The following CHRNB3 variants were observed in gnomAD, a reference collection of about 807,000 sequenced individuals.
The protein encoded by CHRNB3 is cholinergic receptor nicotinic beta 3 subunit.
A neutral mutation model predicts 40.6 loss-of-function variants in CHRNB3; 37 were observed. The observed-to-expected ratio is 0.91, with a 90% CI of 0.70 to 1.20. The LOEUF (loss-of-function observed/expected upper bound fraction) is 1.20. Ranked by LOEUF, CHRNB3 falls within the 50% of genes most tolerant of loss-of-function variation. The probability of loss-of-function intolerance (pLI) is 0.00; values close to 1 mark genes in which losing one functional copy is unlikely to be tolerated. For synonymous variants in CHRNB3, 207 were observed against 207.1 expected (o/e 1.00, Z 0.00); for missense variants, 505 against 551.2 (o/e 0.92, Z 0.84).
chr8:42,705,492 C>G (rs1241039816), intron 1 of CHRNB3: 1 of 152,286 alleles, frequency 6.6e-6, no homozygotes, highest in Non-Finnish European at 1.5e-5. Context: ...GGTTGGCACC[C>G]TCTTGTCTCT....
intron 3 of CHRNB3, among the ~76,000 whole-genome samples, chr8:42,717,403 A>AGCAGAC (rs543019760): frequency 5.9e-5 from 3 of 50,908 alleles, no homozygotes; most frequent in African/African-American, 2.0e-4. Flanking sequence ...AAAAAAAAAA[A>AGCAGAC]AAGCCGACCT....
chr8:42,713,241 T>A (rs1816049052), intron 3 of CHRNB3, among the ~76,000 whole-genome samples: 1 of 151,680 alleles, frequency 6.6e-6, no homozygotes, highest in Non-Finnish European at 1.5e-5. Flanking sequence ...CTTTTGAAAA[T>A]TAGGAGTCGT....
At chr8:42,707,853 C>T (rs1815943882) in intron 1 of CHRNB3, among the ~76,000 whole-genome samples, 1 of 152,224 alleles carries the variant, frequency 6.6e-6, no homozygotes, top group Non-Finnish European at 1.5e-5. Flanking sequence ...TCTACTAACA[C>T]ACATAAAATG....
rs1816394498 is a variant in CHRNB3, at chr8:42,730,690, G to C, written c.346G>C (p.Val116Leu). Residue 116 changes from valine (V) to leucine (L), a missense_variant, in exon 4 of 6, where the codon GTT becomes CTT. Transcript: ENST00000289957. Reference sequence around the variant, plus strand: ...AGAATCTCTGTGGCTTCCTGACATAGTTCTCTTTGAAAAGTAAGTATCACA... The same window carrying C: ...AGAATCTCTGTGGCTTCCTGACATACTTCTCTTTGAAAAGTAAGTATCACA... Reference protein sequence around the residue: ...PSESLWLPDIVLFENADGRFE... With the variant: ...PSESLWLPDILLFENADGRFE... 6.3e-7 allele frequency: 1 copy of C among 1,591,358 alleles called. No individual in the cohort carries two copies. The highest frequency in any genetic ancestry group is 1.7e-5 in the Admixed American group (1 of 58,310).
chr8:42,700,167 C>T lies in CHRNB3; in HGVS notation c.52+2569C>T, dbSNP rs141145055. 5.6e-4 allele frequency among the ~76,000 whole-genome samples: 85 copies of T among 151,948 alleles called. 1 individual carries two copies. The highest frequency in any genetic ancestry group is 1.9e-3 in the African/African-American group (79 of 41,416). ...GAGCTGGGACTACAGGTGCCCACCACCACGCCCAGCTAATATTTTTTGTAT... is the reference window on the plus strand; with the variant it reads ...GAGCTGGGACTACAGGTGCCCACCATCACGCCCAGCTAATATTTTTTGTAT... On this transcript the variant is annotated intron_variant, in intron 1 of 5. Transcript: ENST00000289957.
chr8:42,699,537 T>C (rs558507033), intron 1 of CHRNB3: 1 of 152,312 alleles, frequency 6.6e-6, no homozygotes, highest in South Asian at 2.1e-4. Context: ...GGTAGGCAGA[T>C]CACCTGAGGT....
chr8:42,732,761 C>T (rs1177504644), intron 5 of CHRNB3, among the ~76,000 whole-genome samples: 2 of 152,040 alleles, frequency 1.3e-5, no homozygotes, highest in African/African-American at 4.8e-5. Context: ...ACATAAGGAG[C>T]AAAAGTGAAG....
chr8:42,714,203 A>G (rs1816062458), intron 3 of CHRNB3, among the ~76,000 whole-genome samples: 1 of 152,162 alleles, frequency 6.6e-6, no homozygotes, highest in African/African-American at 2.4e-5. Context: ...GCTTTTTAAA[A>G]AGAGCTTTTT....
intron 3 of CHRNB3, chr8:42,726,039 G>T: frequency 1.0e-6 from 1 of 958,442 alleles, no homozygotes; most frequent in Non-Finnish European, 1.7e-6. Context: ...ACCTTGTCAC[G>T]TTTCTGTCAC....
At chr8:42,722,917 A>G (rs75977033) in intron 3 of CHRNB3, among the ~76,000 whole-genome samples, 22 of 152,000 alleles carry the variant, frequency 1.4e-4, no homozygotes, top group African/African-American at 5.3e-4. Flanking sequence ...TGTTACTTAT[A>G]TATTTTACTA....
At chr8:42,719,661 G>T (rs926630752) in intron 3 of CHRNB3, among the ~76,000 whole-genome samples, 2 of 152,066 alleles carry the variant, frequency 1.3e-5, no homozygotes, top group African/African-American at 2.4e-5. Context: ...CAACAGAAAA[G>T]AAACTGGATG....
chr8:42,724,705 G>A (rs1816275566), intron 3 of CHRNB3, among the ~76,000 whole-genome samples: 2 of 152,116 alleles, frequency 1.3e-5, no homozygotes, highest in African/African-American at 2.4e-5. Context: ...TTGGCCGGGC[G>A]CGGTGGCTCA....
intron 3 of CHRNB3, among the ~76,000 whole-genome samples, chr8:42,726,414 A>T (rs62518227): frequency 0.057 from 8,672 of 152,186 alleles, 323 homozygotes; most frequent in Middle Eastern, 0.099. Context: ...ATACGGTCAA[A>T]ATGCAAAAGT....
chr8:42,734,482 C>T (rs568802267), intron 5 of CHRNB3, among the ~76,000 whole-genome samples: 2 of 148,156 alleles, frequency 1.3e-5, no homozygotes, highest in East Asian at 2.0e-4. Context: ...TGCAATAGCT[C>T]GATCTCAGCT....
intron 3 of CHRNB3, among the ~76,000 whole-genome samples, chr8:42,724,773 G>A (rs1236414037): frequency 6.6e-6 from 1 of 152,084 alleles, no homozygotes; most frequent in Non-Finnish European, 1.5e-5. Flanking sequence ...GAGGTCAGGA[G>A]GTCGAGACCA....
At position 42,732,458 on chromosome 8, in the gene CHRNB3, G is replaced by C. The variant is rs746946270; in HGVS notation, c.1151G>C (p.Gly384Ala). 2 of 1,613,630 alleles carry C rather than the reference G, an allele frequency of 1.2e-6. No homozygotes were observed. Among genetic ancestry groups the C allele is most frequent in the East Asian group, 2.2e-5 (1 of 44,856 alleles). Residue 384 changes from glycine to alanine, a missense_variant, in exon 5 of 6, where the codon GGA (glycine) becomes GCA (alanine). Coordinates refer to ENST00000289957, the MANE Select transcript of CHRNB3 (RefSeq NM_000749.5). ...EKKKQKQLSD[G>A]EKVLVAFLEK... ...AAGAAACAGAAACAGCTTAGTGATG[G>C]AGAAAAAGTTCTAGTTGCTTTTTTG...
chr8:42,723,941 C>T (rs1262792046), intron 3 of CHRNB3, among the ~76,000 whole-genome samples: 1 of 151,900 alleles, frequency 6.6e-6, no homozygotes, highest in Non-Finnish European at 1.5e-5. Flanking sequence ...CAAAAATTAG[C>T]TGGGCGTGAT....
intron 3 of CHRNB3, among the ~76,000 whole-genome samples, chr8:42,715,934 A>C (rs931162678): frequency 6.6e-6 from 1 of 152,008 alleles, no homozygotes. Context: ...AAGGTTAGGA[A>C]AACGTGGAAA....
chr8:42,729,243 TA>T (rs372616227), intron 3 of CHRNB3, among the ~76,000 whole-genome samples: 1 of 151,698 alleles, frequency 6.6e-6, no homozygotes. Flanking sequence ...CCGTCTCCAC[TA>T]AAAAATACAA....
Sources: allele counts gnomAD v4.1 joint callset (sites outside exome capture counted in the v4.1 genomes callset), GRCh38; gene constraint gnomAD v4.1.1; transcripts MANE v1.5; gene names NCBI Gene and HGNC (gene_info 2026-07-23, HGNC 2026-07-21).